KIF1A: variants seen among roughly 807,000 people sequenced by gnomAD.
KIF1A encodes kinesin-like protein KIF1A.
Under a neutral mutation model 227.3 loss-of-function variants are expected in KIF1A, and 46 were observed. The observed-to-expected ratio is 0.20, with a 90% CI of 0.16 to 0.26. The LOEUF (loss-of-function observed/expected upper bound fraction) is 0.26. KIF1A is among the 10% of genes least tolerant of loss of function. The probability of loss-of-function intolerance (pLI) is 1.00; values close to 1 mark genes in which losing one functional copy is unlikely to be tolerated. For missense variants in KIF1A, 1,683 were observed against 2,485.9 expected (o/e 0.68, Z 6.87); for synonymous variants, 1,022 against 1,012.8 (o/e 1.01, Z -0.17).
At chr2:240,717,707 T>G (rs982186985) in intron 48 of KIF1A, among the ~76,000 whole-genome samples, 1 of 152,196 alleles carries the variant, frequency 6.6e-6, no homozygotes. Flanking sequence ...GGATGTAATT[T>G]TGAAAGTATG....
Position 240,757,434 on chromosome 2 carries a change from C to G in KIF1A, c.2743G>C (p.Glu915Gln). 1 of 1,545,530 alleles carries G rather than the reference C, an allele frequency of 6.5e-7. No individual in the cohort carries two copies. The highest frequency in any genetic ancestry group is 8.7e-7 in the Non-Finnish European group (1 of 1,143,014). The change falls in exon 27 of 49, where the codon GAG (glutamate) becomes CAG (glutamine). Residue 915 changes from glutamate to glutamine, a missense_variant. Coordinates refer to ENST00000498729, the MANE Select transcript of KIF1A (RefSeq NM_001244008.2). This position sits in a 1 kb window ranked among gnomAD's most constrained non-coding sequence, Gnocchi z 6.2. Reference sequence around the variant, plus strand: ...TCCTCCTCCTCCTCATCCTCCTCCTCCTCCTCCTCCTCCTCCTCCTCCCCC... The same window carrying G: ...TCCTCCTCCTCCTCATCCTCCTCCTGCTCCTCCTCCTCCTCCTCCTCCCCC... ...SVGEEEEEEE[E>Q]EEDEEEEDLE... is the part of the protein sequence containing the mutation.
Position 240,719,909 on chromosome 2 carries a change from G to C in KIF1A, c.4886C>G (p.Ser1629Cys), listed in dbSNP as rs2125575540. 6.2e-7 allele frequency: 1 copy of C among 1,610,506 alleles called. No individual in the cohort carries two copies. Among genetic ancestry groups the C allele is most frequent in the Non-Finnish European group, 8.5e-7 (1 of 1,179,180 alleles). ...CTCGGGCTCTGGGCTGGCTGGCCGG[G>C]AGCAGGGCTGCGGGGTCCTGGGAAG... ...ATDLRTPQPC[S>C]RPASPEPELL... Residue 1629 changes from serine to cysteine, a missense_variant, in exon 46 of 49, where the codon TCC (serine) becomes TGC (cysteine). Physicochemically the swap from Ser to Cys is moderately radical, Grantham distance 112. Transcript: ENST00000498729.
At chr2:240,821,099 G>A (rs1484827899), upstream of KIF1A, among the ~76,000 whole-genome samples, 7 of 149,430 alleles carry the variant, frequency 4.7e-5, no homozygotes, top group East Asian at 1.2e-3. Flanking sequence ...CTTCGACAAA[G>A]CCTCTGGGCA....
In KIF1A at chr2:240,725,238, G is replaced by A; in HGVS notation, c.4256+33C>T. On this transcript the variant is annotated intron_variant, in intron 40 of 48. Coordinates refer to ENST00000498729, the MANE Select transcript of KIF1A (RefSeq NM_001244008.2). The surrounding 1 kb of genome is among the most constrained non-coding windows in gnomAD (Gnocchi z 5.8). ...CTGGCCCGCACCGAGACCAGGGTGG[G>A]AGTCCATGTGGTCCTCACCCCTGGG... is the stretch of plus-strand genomic sequence containing the variant. 5 of 1,573,020 alleles carry A rather than the reference G, an allele frequency of 3.2e-6. No homozygotes were observed. Among genetic ancestry groups the A allele is most frequent in the Non-Finnish European group, 4.3e-6 (5 of 1,159,794 alleles).
At chr2:240,720,892 CG>C in intron 45 of KIF1A, 21 bp downstream of exon 45, 1 of 1,538,196 alleles carries the variant, frequency 6.5e-7, no homozygotes, top group Non-Finnish European at 8.8e-7. Context: ...GAAGCCACTC[CG>C]GGAGCCTGGA....
intron 37 of KIF1A, 140 bp from the exon 38 acceptor site, chr2:240,737,308 GA>G: frequency 1.5e-6 from 1 of 673,390 alleles, no homozygotes; most frequent in Non-Finnish European, 2.7e-6. Flanking sequence ...GTGCCAGGGG[GA>G]ACAGGGAGGC....
intron 1 of KIF1A, among the ~76,000 whole-genome samples, chr2:240,812,004 A>T (rs769426453): frequency 1.3e-5 from 2 of 152,084 alleles, no homozygotes; most frequent in Non-Finnish European, 2.9e-5. Context: ...ACTCCAGGAA[A>T]GGGAGACCAT....
rs1355197070 is a variant in KIF1A at position 240,763,061 on chromosome 2, G to T, written c.1980C>A (p.Arg660=). ...RLQELEDQYR[R]EREEATYLLE... ...GCAGGTAGGTGGCCTCCTCCCGCTC[G>T]CGGCGGTACTGGTCCTCCAGTTCCT... Residue 660 remains arginine, a synonymous_variant, in exon 22 of 49, where the codon CGC becomes CGA. Transcript: ENST00000498729. 3 of 1,550,812 alleles carry T rather than the reference G, an allele frequency of 1.9e-6. No homozygotes were observed. The highest frequency in any genetic ancestry group is 1.8e-5 in the Admixed American group (1 of 54,604).
rs1435794161 is a variant in KIF1A at position 240,778,210 on chromosome 2, A to G, written c.883-2284T>C. 6.6e-6 allele frequency among the ~76,000 whole-genome samples: 1 copy of G among 151,776 alleles called. No homozygotes were observed. ...ATGGCTGCCGGTCACACCATTCATC[A>G]AGTTTCCCCACAAGTTCCACACGCA... On this transcript the variant is annotated intron_variant, in intron 10 of 48. Coordinates refer to ENST00000498729, the MANE Select transcript of KIF1A (RefSeq NM_001244008.2). This position sits in a 1 kb window ranked among gnomAD's most constrained non-coding sequence, Gnocchi z 7.2.
intron 28 of KIF1A, among the ~76,000 whole-genome samples, chr2:240,750,060 A>G (rs2049035536): frequency 6.6e-6 from 1 of 152,232 alleles, no homozygotes; most frequent in Non-Finnish European, 1.5e-5. Flanking sequence ...TCTTGGGTCC[A>G]TATGGGACTG....
At chr2:240,819,222 T>C (rs1451786398) in intron 1 of KIF1A, among the ~76,000 whole-genome samples, 2 of 152,076 alleles carry the variant, frequency 1.3e-5, no homozygotes, top group African/African-American at 4.8e-5. Flanking sequence ...AGGAGCGGCT[T>C]AAAGCGGGAG....
At chr2:240,813,542 C>T (rs1222651355) in intron 1 of KIF1A, among the ~76,000 whole-genome samples, 1 of 152,206 alleles carries the variant, frequency 6.6e-6, no homozygotes, top group East Asian at 1.9e-4. Flanking sequence ...TGGCTTTCTC[C>T]ATAGCAGGAG....
intron 27 of KIF1A, among the ~76,000 whole-genome samples, chr2:240,754,405 T>C (rs35719823): frequency 1.7e-3 from 253 of 152,298 alleles, no homozygotes; most frequent in Non-Finnish European, 2.8e-3. Flanking sequence ...GTGATAGACT[T>C]GTTCAGCCAG....
intron 5 of KIF1A, among the ~76,000 whole-genome samples, chr2:240,786,717 AGTGAGGGGGTGGGGGCTGCCTGCTGGGC>A (rs2054866279): frequency 8.0e-6 from 1 of 125,148 alleles, no homozygotes; most frequent in Non-Finnish European, 1.6e-5. Context: ...AGGACCCCTG[AGTGAGGGGGTGGGGGCTGCCTGCTGGGC>A]CCCTGAGTGA....
rs544899481 is a variant in KIF1A at position 240,738,928 on chromosome 2, C to T, written c.3901+1130G>A. On this transcript the variant is annotated intron_variant, in intron 37 of 48. Coordinates refer to ENST00000498729, the MANE Select transcript of KIF1A (RefSeq NM_001244008.2). ...GCCCCAGGGATCGTTCCTCAACTAC[C>T]GTGTGGCCGGGTCCATAAACCAGCT... Among the ~76,000 whole-genome samples, 7 of 152,354 alleles carry T rather than the reference C, an allele frequency of 4.6e-5. No homozygotes were observed. The South Asian group carries it at 1.0e-3, about 23-fold the overall frequency.
intron 7 of KIF1A, among the ~76,000 whole-genome samples, 174 bp downstream of exon 7, chr2:240,784,815 G>A (rs1478253686): frequency 7.7e-6 from 1 of 130,190 alleles, no homozygotes; most frequent in Non-Finnish European, 1.6e-5. Flanking sequence ...GGCCTCTGGG[G>A]CGGGGGGGGG....
In KIF1A at chr2:240,750,568, C is replaced by T. The variant is rs117453244; in HGVS notation, c.2859-21G>A. On this transcript the variant is annotated intron_variant, in intron 27 of 48. Transcript: ENST00000498729. Reference sequence around the variant, plus strand: ...AGGCCCTGGGGAGAAGCAGAGGCGGCGGTCATGGGCCACCCCTCCACGCAT... The same window carrying T: ...AGGCCCTGGGGAGAAGCAGAGGCGGTGGTCATGGGCCACCCCTCCACGCAT... The T allele has an allele frequency of 4.1e-3, 6,288 of 1,552,400 alleles. 169 individuals carry two copies. In the East Asian group the frequency reaches 0.068, roughly 17 times the overall value.
intron 13 of KIF1A, 99 bp from the exon 14 acceptor site, chr2:240,772,695 G>T: frequency 1.1e-6 from 1 of 952,210 alleles, no homozygotes; most frequent in Non-Finnish European, 1.6e-6. Flanking sequence ...GGCCAGGGTG[G>T]CCAGCAGTGG....
chr2:240,719,305 T>G, intron 46 of KIF1A, 107 bp from the exon 47 acceptor site: 1 of 1,270,312 alleles, frequency 7.9e-7, no homozygotes, highest in East Asian at 2.7e-5. Context: ...GCCAACCACC[T>G]CCCCAGCCAG....
Sources: gnomAD v4.1 joint callset for allele counts (sites outside exome capture counted in the v4.1 genomes callset) on GRCh38, gnomAD v4.1.1 for gene constraint, Gnocchi (gnomAD v3.1) non-coding constraint, MANE v1.5 for transcripts, NCBI Gene and HGNC (gene_info 2026-07-23, HGNC 2026-07-21) for gene names.